RUNX1T1: variants seen among roughly 807,000 people sequenced by gnomAD.
RUNX1T1 encodes protein CBFA2T1.
RUNX1T1 carries 4 observed loss-of-function variants against 62.8 expected under a neutral mutation model. The observed-to-expected ratio is 0.06, with a 90% CI of 0.03 to 0.15. The LOEUF is 0.15. RUNX1T1 is among the 10% of genes least tolerant of loss of function. The pLI is 1.00. For missense variants in RUNX1T1, 508 were observed against 754.3 expected, an observed-to-expected ratio of 0.67 and a Z score of 3.82; for synonymous variants, 291 against 286.0, an observed-to-expected ratio of 1.02 and a Z score of -0.18.
At chr8:92,037,241 T>C (rs1169816857) in intron 1 of RUNX1T1, among the ~76,000 whole-genome samples, 3 of 152,180 alleles carry the variant, frequency 2.0e-5, no homozygotes, top group African/African-American at 7.2e-5. Context: ...GATGCTGATG[T>C]TGAGAAGGAG....
chr8:91,996,439 G>A (rs957036301), intron 5 of RUNX1T1, among the ~76,000 whole-genome samples: 17 of 152,120 alleles, frequency 1.1e-4, no homozygotes, highest in Non-Finnish European at 2.4e-4. Context: ...CTGACCTCGC[G>A]ATCCGCCCGC....
chr8:92,102,768 G>T, upstream of RUNX1T1: 1 of 1,320,374 alleles, frequency 7.6e-7, no homozygotes, highest in Non-Finnish European at 1.0e-6. This position sits in a 1 kb window ranked among gnomAD's most constrained non-coding sequence, Gnocchi z 4.5. Flanking sequence ...TCCAAACGAA[G>T]ATGACGGTCA....
intron 5 of RUNX1T1, chr8:91,994,625 T>C (rs1033716287): frequency 2.0e-6 from 1 of 500,126 alleles, no homozygotes; most frequent in African/African-American, 1.9e-5. Context: ...TTTATTCATC[T>C]GTAAAATGAA....
chr8:91,993,751 C>A (rs146004031), intron 5 of RUNX1T1, among the ~76,000 whole-genome samples: 2 of 152,018 alleles, frequency 1.3e-5, no homozygotes, highest in South Asian at 4.2e-4. Context: ...CAGCACTTTG[C>A]GAGGCCGAGG....
chr8:92,068,696 A>G (rs1315172790), intron 2 of RUNX1T1, among the ~76,000 whole-genome samples: 1 of 152,144 alleles, frequency 6.6e-6, no homozygotes, highest in Non-Finnish European at 1.5e-5. Flanking sequence ...GCTGTGAGAG[A>G]CTGCAGGAGA....
intron 1 of RUNX1T1, among the ~76,000 whole-genome samples, chr8:92,099,207 T>A (rs1837929371): frequency 6.6e-6 from 1 of 152,232 alleles, no homozygotes; most frequent in Non-Finnish European, 1.5e-5. Context: ...AGAATAAATT[T>A]TTTTCTTATA....
At chr8:91,971,789 C>T (rs115641615) in intron 9 of RUNX1T1, among the ~76,000 whole-genome samples, 2 of 152,228 alleles carry the variant, frequency 1.3e-5, no homozygotes, top group African/African-American at 4.8e-5. Context: ...TGCAAGGTGT[C>T]AAATAAGCTC....
chr8:91,991,925 C>A, intron 5 of RUNX1T1, 36 bp from the exon 7 acceptor site: 1 of 1,611,150 alleles, frequency 6.2e-7, no homozygotes, highest in Non-Finnish European at 8.5e-7. Flanking sequence ...GTTTCATCAT[C>A]TATTCAGAAA....
intron 8 of RUNX1T1, among the ~76,000 whole-genome samples, chr8:91,985,386 C>A (rs1816339316): frequency 1.3e-5 from 2 of 152,140 alleles, no homozygotes; most frequent in South Asian, 2.1e-4. Context: ...GTAACCCCAA[C>A]AATTCCCAAA....
At chr8:92,017,523 C>T in intron 1 of RUNX1T1, 160 bp from the exon 3 acceptor site, 1 of 1,515,192 alleles carries the variant, frequency 6.6e-7, no homozygotes, top group East Asian at 2.5e-5. Flanking sequence ...ATTTTATCAT[C>T]CAAACCCCAC....
chr8:92,032,682 G>C (rs2131323476), intron 1 of RUNX1T1, among the ~76,000 whole-genome samples: 1 of 152,286 alleles, frequency 6.6e-6, no homozygotes, highest in Non-Finnish European at 1.5e-5. Flanking sequence ...TGCACAGCTA[G>C]GAAGGAAGAT....
chr8:92,008,388 T>TCTCACACACACACA (rs1554617950), intron 4 of RUNX1T1, among the ~76,000 whole-genome samples: 28 of 131,966 alleles, frequency 2.1e-4, no homozygotes, highest in African/African-American at 7.9e-4. Context: ...TCTCTCTCTC[T>TCTCACACACACACA]CACACACACA....
intron 6 of RUNX1T1, among the ~76,000 whole-genome samples, chr8:91,991,337 A>T (rs1226071896): frequency 6.6e-6 from 1 of 152,132 alleles, no homozygotes; most frequent in Non-Finnish European, 1.5e-5. Flanking sequence ...TCAAGCTAAA[A>T]ATTTATTTTG....
intron 1 of RUNX1T1, chr8:92,095,495 G>T: frequency 2.6e-6 from 4 of 1,521,068 alleles, no homozygotes; most frequent in Non-Finnish European, 3.5e-6. Context: ...GTGAGCGCAG[G>T]AGGGAGAGGA....
chr8:92,002,999 C>A (rs1289791639), intron 5 of RUNX1T1, among the ~76,000 whole-genome samples: 6 of 152,148 alleles, frequency 3.9e-5, no homozygotes, highest in African/African-American at 9.7e-5. Flanking sequence ...ATTCTCATTA[C>A]CCTTCCTCCT....
intron 1 of RUNX1T1, among the ~76,000 whole-genome samples, chr8:92,021,402 C>T (rs1237792869): frequency 6.6e-6 from 1 of 152,102 alleles, no homozygotes; most frequent in Non-Finnish European, 1.5e-5. Flanking sequence ...GTGCTGGTCG[C>T]TTCTGCCCTC....
chr8:92,102,154 TCGGCCCCTGA>T (rs1284660598), upstream of RUNX1T1, among the ~76,000 whole-genome samples: 2 of 152,120 alleles, frequency 1.3e-5, no homozygotes, highest in Non-Finnish European at 2.9e-5. This position sits in a 1 kb window ranked among gnomAD's most constrained non-coding sequence, Gnocchi z 4.5. Context: ...ACTCTCCCCA[TCGGCCCCTGA>T]CTGCGAAGCC....
At chr8:92,021,807 A>G (rs940322908) in intron 1 of RUNX1T1, among the ~76,000 whole-genome samples, 3 of 151,664 alleles carry the variant, frequency 2.0e-5, no homozygotes, top group African/African-American at 7.3e-5. Flanking sequence ...TCCATGATCC[A>G]TTCCTGACTT....
chr8:91,978,895 C>T (rs777673840), intron 8 of RUNX1T1, among the ~76,000 whole-genome samples: 17 of 152,212 alleles, frequency 1.1e-4, no homozygotes, highest in Non-Finnish European at 2.2e-4. Context: ...GCCATGTCCA[C>T]ATAGGCCCAA....
Sources: allele counts gnomAD v4.1 joint callset (sites outside exome capture counted in the v4.1 genomes callset), GRCh38; gene constraint gnomAD v4.1.1; non-coding constraint Gnocchi (gnomAD v3.1); transcripts MANE v1.5; gene names NCBI Gene and HGNC (gene_info 2026-07-23, HGNC 2026-07-21).